CCDC144A: variants seen among roughly 807,000 people sequenced by gnomAD.
The protein encoded by CCDC144A is coiled-coil domain containing 144A.
CCDC144A carries 41 observed loss-of-function variants against 143.8 expected under a neutral mutation model. The ratio of observed to expected loss-of-function variants is 0.29; its 90% CI spans 0.22 to 0.37. The LOEUF (loss-of-function observed/expected upper bound fraction) is 0.37. Ranked by LOEUF, CCDC144A falls within the 10% of genes least tolerant of loss-of-function variation. The pLI, the probability that CCDC144A is intolerant of heterozygous loss-of-function variation, is 1.00. For synonymous variants in CCDC144A, 242 were observed against 517.9 expected (o/e 0.47, Z 7.23); for missense variants, 637 against 1,488.8 (o/e 0.43, Z 9.41).
chr17:16,757,762 G>A (rs1236503173), intron 12 of CCDC144A, among the ~76,000 whole-genome samples: 1 of 152,254 alleles, frequency 6.6e-6, no homozygotes, highest in Non-Finnish European at 1.5e-5. Flanking sequence ...AGTGGTGTCA[G>A]TCAGGTGGCT....
intron 2 of CCDC144A, among the ~76,000 whole-genome samples, chr17:16,703,454 A>G (rs2143087234): frequency 6.6e-6 from 1 of 152,264 alleles, no homozygotes; most frequent in South Asian, 2.1e-4. Flanking sequence ...CTTTTATTTA[A>G]GTCAGTTGTG....
At chr17:16,751,688 G>A (rs1050427621) in intron 12 of CCDC144A, among the ~76,000 whole-genome samples, 3 of 152,264 alleles carry the variant, frequency 2.0e-5, no homozygotes, top group Non-Finnish European at 2.9e-5. Flanking sequence ...GTCTGGGCTT[G>A]GTAGAGTCAG....
At chr17:16,767,686 T>C (rs1225786188) in intron 15 of CCDC144A, among the ~76,000 whole-genome samples, 2 of 152,272 alleles carry the variant, frequency 1.3e-5, no homozygotes, top group Non-Finnish European at 2.9e-5. Flanking sequence ...GGACTATTCC[T>C]ACTGTGAAGT....
At chr17:16,671,216 C>G in the CCDC144A span, among the ~76,000 whole-genome samples, 1 of 152,090 alleles carries the variant, frequency 6.6e-6, no homozygotes, top group Non-Finnish European at 1.5e-5. Flanking sequence ...CTCATGACCT[C>G]AGGTGATCTG....
chr17:16,709,132 G>A lies in CCDC144A; in HGVS notation c.1075G>A (p.Glu359Lys), dbSNP rs1184154619. The A allele has an allele frequency of 5.0e-6, 8 of 1,611,552 alleles. No homozygotes were observed. The highest frequency in any genetic ancestry group is 1.7e-5 in the Admixed American group (1 of 60,000). Residue 359 changes from glutamate (E) to lysine (K), a missense_variant, in exon 5 of 17, where the codon GAG becomes AAG. Physicochemically the swap from Glu to Lys is moderately conservative, Grantham distance 56. Transcript: ENST00000399273. ...ASEISVSVVF[E>K]TFPEQKEPSL... ...TGAAATATCTGTCTCAGTGGTATTC[G>A]AGACATTTCCTGAACAAAAAGAACC... is the stretch of plus-strand genomic sequence containing the variant.
chr17:16,711,264 A>G (rs1016009553), intron 5 of CCDC144A, among the ~76,000 whole-genome samples: 7 of 151,594 alleles, frequency 4.6e-5, no homozygotes, highest in Non-Finnish European at 1.0e-4. Flanking sequence ...GCTGTTTAAT[A>G]TGAAAGTCAA....
chr17:16,674,666 G>A, the CCDC144A span, among the ~76,000 whole-genome samples: 568 of 152,096 alleles, frequency 3.7e-3, 6 homozygotes, highest in African/African-American at 0.013. Context: ...CAGTAGCAAA[G>A]CCACTCTGTA....
In CCDC144A at chr17:16,707,417, G is replaced by A. The variant is rs1912122766; in HGVS notation, c.665-52G>A. 3.0e-6 allele frequency: 3 copies of A among 996,310 alleles called. No homozygotes were observed. The South Asian group carries it at 4.7e-5, about 16-fold the overall frequency. The allele number at this position is 996,310 out of a possible 1,614,324, so 61.7% of individuals were successfully genotyped here. A position where few individuals can be genotyped will look rare whatever the true frequency, so the allele number is the denominator to read the frequency against. The stretch of plus-strand genomic sequence containing the variant: ...TAAAATCTATTTTTATAAAGACTAT[G>A]TCTTTTATCTAACTGTTCTAAGTAG... On this transcript the variant is annotated intron_variant, in intron 3 of 16. Coordinates refer to ENST00000399273, the MANE Select transcript of CCDC144A (RefSeq NM_001382000.1).
At chr17:16,721,047 T>C (rs1326657377) in intron 8 of CCDC144A, among the ~76,000 whole-genome samples, 1 of 152,196 alleles carries the variant, frequency 6.6e-6, no homozygotes, top group Non-Finnish European at 1.5e-5. Context: ...ATCATGTTAC[T>C]CCTTTGCTTA....
chr17:16,707,274 A>G (rs1912117214), intron 3 of CCDC144A, 195 bp from the exon 4 acceptor site: 1 of 482,644 alleles, frequency 2.1e-6, no homozygotes, highest in African/African-American at 2.0e-5. Flanking sequence ...AGTGTCTCCC[A>G]GAAAGTGGTT....
At chr17:16,716,085 G>A (rs1912734832) in intron 6 of CCDC144A, among the ~76,000 whole-genome samples, 1 of 151,956 alleles carries the variant, frequency 6.6e-6, no homozygotes, top group Non-Finnish European at 1.5e-5. Flanking sequence ...TGTTTAAAAT[G>A]AAAATGATTT....
At chr17:16,671,147 T>C in the CCDC144A span, among the ~76,000 whole-genome samples, 17 of 152,006 alleles carry the variant, frequency 1.1e-4, 1 homozygote, top group South Asian at 3.6e-3. Context: ...CCACCACACC[T>C]AATTTTTGTA....
At chr17:16,746,061 T>C in intron 12 of CCDC144A, 1 of 1,609,770 alleles carries the variant, frequency 6.2e-7, no homozygotes, top group Non-Finnish European at 8.5e-7. Flanking sequence ...TGACGTCTCC[T>C]GGGGCTCCTT....
At chr17:16,747,733 A>C (rs1482908008) in intron 12 of CCDC144A, among the ~76,000 whole-genome samples, 1 of 152,008 alleles carries the variant, frequency 6.6e-6, no homozygotes, top group Non-Finnish European at 1.5e-5. Flanking sequence ...TCTCAGCTTG[A>C]ACTTTATTGG....
At chr17:16,667,696 A>T in the CCDC144A span, among the ~76,000 whole-genome samples, 1 of 151,992 alleles carries the variant, frequency 6.6e-6, no homozygotes, top group Non-Finnish European at 1.5e-5. Context: ...TATTTTACTG[A>T]TATAACTGAG....
chr17:16,680,773 A>G, the CCDC144A span, among the ~76,000 whole-genome samples: 1 of 152,088 alleles, frequency 6.6e-6, no homozygotes, highest in Non-Finnish European at 1.5e-5. Context: ...AAACAACAGA[A>G]CCAAAACAAA....
chr17:16,768,315 C>A (rs1165575203), intron 15 of CCDC144A, among the ~76,000 whole-genome samples: 14 of 152,184 alleles, frequency 9.2e-5, no homozygotes, highest in Non-Finnish European at 1.5e-4. Flanking sequence ...TGTTTAATAC[C>A]AAACAGGTCC....
intron 2 of CCDC144A, among the ~76,000 whole-genome samples, chr17:16,702,545 A>C (rs1487742290): frequency 6.6e-6 from 1 of 151,764 alleles, no homozygotes; most frequent in Non-Finnish European, 1.5e-5. Flanking sequence ...ATGTTTTGCC[A>C]CATAACACAG....
At chr17:16,729,283 TGGCTGGA>T (rs1913592892) in intron 9 of CCDC144A, among the ~76,000 whole-genome samples, 6 of 152,210 alleles carry the variant, frequency 3.9e-5, no homozygotes, top group African/African-American at 7.2e-5. Flanking sequence ...ATGAGCATGC[TGGCTGGA>T]GTAAGGTGAT....
Sources: gnomAD v4.1 joint callset for allele counts (sites outside exome capture counted in the v4.1 genomes callset) on GRCh38, gnomAD v4.1.1 for gene constraint, MANE v1.5 for transcripts, NCBI Gene and HGNC (gene_info 2026-07-23, HGNC 2026-07-21) for gene names.